The following STAG1 variants were observed in gnomAD, a reference collection of about 807,000 sequenced individuals.
The protein encoded by STAG1 is STAG1 cohesin complex component.
Under a neutral mutation model 170.9 loss-of-function variants are expected in STAG1, and 26 were observed. That is an observed-to-expected ratio of 0.15 (90% CI 0.11 to 0.21). The LOEUF is 0.21. STAG1 is among the 10% of genes least tolerant of loss of function. The pLI is 1.00. For synonymous variants in STAG1, 514 were observed against 497.7 expected, an observed-to-expected ratio of 1.03 and a Z score of -0.44; for missense variants, 964 against 1,509.5, an observed-to-expected ratio of 0.64 and a Z score of 5.99.
chr3:136,629,701 C>G (rs1486013136), intron 2 of STAG1, among the ~76,000 whole-genome samples: 1 of 152,094 alleles, frequency 6.6e-6, no homozygotes, highest in African/African-American at 2.4e-5. Flanking sequence ...ATCAGAGGTT[C>G]TCTCTTGAAA....
At chr3:136,542,777 C>G (rs1935969739) in intron 5 of STAG1, among the ~76,000 whole-genome samples, 1 of 151,946 alleles carries the variant, frequency 6.6e-6, no homozygotes, top group Non-Finnish European at 1.5e-5. Context: ...CATTTGGGTG[C>G]TTACTATCTC....
intron 4 of STAG1, among the ~76,000 whole-genome samples, chr3:136,586,560 T>C (rs111984752): frequency 3.9e-5 from 6 of 152,338 alleles, no homozygotes; most frequent in African/African-American, 1.2e-4. Flanking sequence ...AAAATTCCTA[T>C]TTAAAGTTTC....
chr3:136,347,881 C>G (rs1936292038), intron 29 of STAG1, among the ~76,000 whole-genome samples: 1 of 152,110 alleles, frequency 6.6e-6, no homozygotes, highest in African/African-American at 2.4e-5. Context: ...ATGATTTAAA[C>G]TTAGAGAGGT....
intron 25 of STAG1, among the ~76,000 whole-genome samples, chr3:136,366,004 C>T (rs1311015072): frequency 6.6e-6 from 1 of 151,740 alleles, no homozygotes; most frequent in East Asian, 1.9e-4. Context: ...TTTAGGAAGT[C>T]TTCTCTTGCT....
intron 1 of STAG1, among the ~76,000 whole-genome samples, chr3:136,676,356 T>C (rs58325832): frequency 2.4e-4 from 36 of 152,356 alleles, no homozygotes; most frequent in African/African-American, 8.4e-4. Flanking sequence ...ACTGTAACTT[T>C]TTTACTTTAT....
At chr3:136,418,905 T>C (rs2107723925) in intron 20 of STAG1, among the ~76,000 whole-genome samples, 1 of 152,284 alleles carries the variant, frequency 6.6e-6, no homozygotes, top group East Asian at 1.9e-4. Flanking sequence ...TGTCCCAAAG[T>C]GCTGGGATTA....
At chr3:136,421,016 C>A (rs1012026523) in intron 20 of STAG1, 77 bp downstream of exon 20, 6 of 809,424 alleles carry the variant, frequency 7.4e-6, no homozygotes, top group Middle Eastern at 2.6e-4. Context: ...AGCAATCTGC[C>A]CATCTCGGCC....
chr3:136,463,784 C>CACACAT (rs1450137743), intron 13 of STAG1, among the ~76,000 whole-genome samples: 1 of 130,930 alleles, frequency 7.6e-6, no homozygotes, highest in East Asian at 2.1e-4. Context: ...CACACACACA[C>CACACAT]ACACACATAT....
intron 2 of STAG1, among the ~76,000 whole-genome samples, chr3:136,623,693 G>T (rs1939964931): frequency 6.6e-6 from 1 of 152,122 alleles, no homozygotes; most frequent in African/African-American, 2.4e-5. Flanking sequence ...GGTGGCTCAT[G>T]CCTATAAATC....
At chr3:136,723,063 C>G (rs1933396739) in intron 1 of STAG1, among the ~76,000 whole-genome samples, 1 of 152,252 alleles carries the variant, frequency 6.6e-6, no homozygotes, top group Non-Finnish European at 1.5e-5. Flanking sequence ...TCCCAGCCGC[C>G]TGCCTTGGCC....
At chr3:136,590,510 A>C (rs1035757716) in intron 4 of STAG1, among the ~76,000 whole-genome samples, 1 of 152,018 alleles carries the variant, frequency 6.6e-6, no homozygotes, top group African/African-American at 2.4e-5. Context: ...AAGAAAAAAA[A>C]AAACAAAAAC....
intron 14 of STAG1, among the ~76,000 whole-genome samples, chr3:136,446,001 T>C (rs933011559): frequency 6.6e-6 from 1 of 152,214 alleles, no homozygotes; most frequent in East Asian, 1.9e-4. Flanking sequence ...GGATTACTCA[T>C]GCTGAAAATA....
At position 136,337,418 on chromosome 3, in the gene STAG1, CTTTAT is replaced by C. The variant is rs1418948268; in HGVS notation, c.*831_*835del. 1.3e-5 allele frequency: 2 copies of C among 152,544 alleles called. No individual in the cohort carries two copies. Among genetic ancestry groups the C allele is most frequent in the South Asian group, 4.1e-4 (2 of 4,828 alleles). 9.4% of individuals were successfully genotyped at this position (152,544 alleles called of 1,614,324 possible). A position where few individuals can be genotyped will look rare whatever the true frequency, so the allele number is the denominator to read the frequency against. The stretch of plus-strand genomic sequence containing the variant: ...AATCATTTTCGTTTTACTGAGAATA[CTTTAT>C]TTGCTGGTAGAAGTTGCTAAAAATG... On this transcript the variant is annotated 3_prime_UTR_variant, in exon 34 of 34. Coordinates refer to ENST00000383202, the MANE Select transcript of STAG1 (RefSeq NM_005862.3).
rs372081060 is a variant in STAG1 at position 136,521,200 on chromosome 3, G to A, written c.676+13C>T. ...AAACTAAATGAAAAGGAAATAAAAT[G>A]TTAATTACTTACCAGCCAGGGTACT... is the stretch of plus-strand genomic sequence containing the variant. On this transcript the variant is annotated intron_variant, in intron 7 of 33. Transcript: ENST00000383202. The A allele has an allele frequency of 6.2e-7, 1 of 1,604,322 alleles. No individual in the cohort carries two copies. Among genetic ancestry groups the A allele is most frequent in the African/African-American group, 1.3e-5 (1 of 74,792 alleles).
At chr3:136,736,955 C>G in intron 1 of STAG1, 1 of 1,597,220 alleles carries the variant, frequency 6.3e-7, no homozygotes, top group Non-Finnish European at 8.6e-7. Context: ...GCCTCAAAAG[C>G]CTTTTGTGCT....
intron 12 of STAG1, among the ~76,000 whole-genome samples, chr3:136,469,488 C>T (rs1005175499): frequency 3.9e-5 from 6 of 152,242 alleles, no homozygotes; most frequent in Admixed American, 2.0e-4. Flanking sequence ...TAAAAGACGA[C>T]ACAAACAAAT....
rs1225526483 is a variant in STAG1 at position 136,500,309 on chromosome 3, A to T, written c.829-13T>A. On this transcript the variant is annotated splice_polypyrimidine_tract_variant and intron_variant, in intron 8 of 33. Transcript: ENST00000383202. ...GATTTTCTTGCAGCTGAAATGAAAAAATATATATAAGTTGAAATCCTGATC... is the reference window on the plus strand; with the variant it reads ...GATTTTCTTGCAGCTGAAATGAAAATATATATATAAGTTGAAATCCTGATC... 1 of 1,530,590 alleles carries T rather than the reference A, an allele frequency of 6.5e-7. No homozygotes were observed. The highest frequency in any genetic ancestry group is 1.4e-5 in the African/African-American group (1 of 72,532). 94.8% of individuals were successfully genotyped at this position (1,530,590 alleles called of 1,614,324 possible). A position where few individuals can be genotyped will look rare whatever the true frequency, so the allele number is the denominator to read the frequency against.
Position 136,396,171 on chromosome 3 carries a change from C to T in STAG1, c.2277+2578G>A, listed in dbSNP as rs934947544. On this transcript the variant is annotated intron_variant, in intron 22 of 33. Coordinates refer to ENST00000383202, the MANE Select transcript of STAG1 (RefSeq NM_005862.3). ...CCCACCTTGGTCTCCCAAAGTGCTACGATTACAGGCGTGAGCCGCCAGGCC... is the reference window on the plus strand; with the variant it reads ...CCCACCTTGGTCTCCCAAAGTGCTATGATTACAGGCGTGAGCCGCCAGGCC... 2.7e-5 allele frequency among the ~76,000 whole-genome samples: 4 copies of T among 148,276 alleles called. No homozygotes were observed. In the East Asian group the frequency reaches 6.1e-4, roughly 22 times the overall value.
chr3:136,442,450 T>G (rs1340864044), intron 15 of STAG1, among the ~76,000 whole-genome samples: 1 of 152,204 alleles, frequency 6.6e-6, no homozygotes, highest in Non-Finnish European at 1.5e-5. Context: ...CATGTTCAAT[T>G]TGCTGTGCAT....
Sources: gnomAD v4.1 joint callset for allele counts (sites outside exome capture counted in the v4.1 genomes callset) on GRCh38, gnomAD v4.1.1 for gene constraint, MANE v1.5 for transcripts, NCBI Gene and HGNC (gene_info 2026-07-23, HGNC 2026-07-21) for gene names.